LRMDA: variants seen among roughly 807,000 people sequenced by gnomAD.
LRMDA encodes the protein leucine-rich melanocyte differentiation-associated protein.
A neutral mutation model predicts 29.8 loss-of-function variants in LRMDA; 18 were observed. That is an observed-to-expected ratio of 0.60 (90% CI 0.42 to 0.90). The LOEUF (loss-of-function observed/expected upper bound fraction) is 0.90, where lower values mean the gene tolerates loss of function less well. LRMDA is among the 40% of genes least tolerant of loss of function. LRMDA has a pLI of 0.00. For missense variants in LRMDA, 273 were observed against 273.9 expected (o/e 1.00, Z 0.02); for synonymous variants, 125 against 109.4 (o/e 1.14, Z -0.89).
intron 5 of LRMDA, among the ~76,000 whole-genome samples, chr10:76,124,306 C>G (rs562349648): frequency 3.3e-5 from 5 of 152,348 alleles, no homozygotes; most frequent in Admixed American, 2.6e-4. Context: ...AGGTCCCCCT[C>G]CTTCACTTTG....
intron 6 of LRMDA, among the ~76,000 whole-genome samples, chr10:76,384,418 T>A (rs746904458): frequency 1.3e-5 from 2 of 152,178 alleles, no homozygotes; most frequent in Non-Finnish European, 2.9e-5. Flanking sequence ...AAACAAAATT[T>A]CATATTTTAT....
chr10:76,183,272 C>G (rs563589939), intron 5 of LRMDA, among the ~76,000 whole-genome samples: 1 of 152,266 alleles, frequency 6.6e-6, no homozygotes, highest in Non-Finnish European at 1.5e-5. Context: ...CCACAGCAGG[C>G]TGGTATTATT....
intron 5 of LRMDA, among the ~76,000 whole-genome samples, chr10:76,120,125 G>A (rs1482964330): frequency 6.6e-6 from 1 of 150,952 alleles, no homozygotes; most frequent in East Asian, 1.9e-4. Context: ...GACTCTCTTT[G>A]TATCTACTAT....
At chr10:75,463,985 A>G (rs1210783107) in intron 2 of LRMDA, among the ~76,000 whole-genome samples, 2 of 151,772 alleles carry the variant, frequency 1.3e-5, no homozygotes, top group East Asian at 3.9e-4. Context: ...TATTTTTAGT[A>G]GAGATGGGGT....
intron 5 of LRMDA, among the ~76,000 whole-genome samples, chr10:76,142,686 A>G (rs889823583): frequency 6.2e-5 from 1 of 16,064 alleles, no homozygotes; most frequent in African/African-American, 6.9e-4. Context: ...TATTATCTTT[A>G]TTATTATTAT....
intron 5 of LRMDA, among the ~76,000 whole-genome samples, chr10:76,194,355 G>A (rs1356075318): frequency 6.6e-6 from 1 of 152,152 alleles, no homozygotes; most frequent in African/African-American, 2.4e-5. Flanking sequence ...CCTGACATCT[G>A]CTTCCATTAT....
rs1232031511 is a variant in LRMDA, at chr10:76,376,856, C to T, written c.601+52371C>T. 2.7e-5 allele frequency among the ~76,000 whole-genome samples: 2 copies of T among 72,800 alleles called. 1 individual carries two copies. The highest frequency in any genetic ancestry group is 2.9e-4 in the Admixed American group (2 of 6,916). The allele number at this position is 72,800 out of a possible 152,430, so 47.8% of individuals were successfully genotyped here. A position where few individuals can be genotyped will look rare whatever the true frequency, so the allele number is the denominator to read the frequency against. ...CATTTTTTCAAATGTTTGTTGGGCA[C>T]TTGGAAGTCTTTTTTTTTTTTTTTT... On this transcript the variant is annotated intron_variant, in intron 6 of 6. Coordinates refer to ENST00000611255, the MANE Select transcript of LRMDA (RefSeq NM_001305581.2).
chr10:75,868,062 T>C (rs1432228528), intron 2 of LRMDA, among the ~76,000 whole-genome samples: 1 of 152,126 alleles, frequency 6.6e-6, no homozygotes, highest in Non-Finnish European at 1.5e-5. Flanking sequence ...ACAAATTAGA[T>C]GGTGGGCTAG....
intron 2 of LRMDA, among the ~76,000 whole-genome samples, chr10:75,444,143 A>G (rs905132639): frequency 6.6e-6 from 1 of 151,928 alleles, no homozygotes; most frequent in African/African-American, 2.4e-5. Flanking sequence ...TACTGTATGT[A>G]TTTTTTTTCT....
chr10:76,531,503 A>G (rs372015406), intron 6 of LRMDA, among the ~76,000 whole-genome samples: 7 of 152,212 alleles, frequency 4.6e-5, no homozygotes, highest in African/African-American at 1.4e-4. Context: ...TCGTAAATTT[A>G]TGAGTGCTGA....
intron 2 of LRMDA, among the ~76,000 whole-genome samples, chr10:75,602,838 T>C (rs1201939084): frequency 6.6e-6 from 1 of 152,228 alleles, no homozygotes; most frequent in East Asian, 1.9e-4. Context: ...ATTTCACTTC[T>C]TTTATGAGTC....
At chr10:75,971,765 C>T (rs931265794) in intron 2 of LRMDA, among the ~76,000 whole-genome samples, 7 of 152,096 alleles carry the variant, frequency 4.6e-5, no homozygotes, top group Admixed American at 3.3e-4. Context: ...CTGGGCTGTG[C>T]TTGACCTGTG....
At chr10:75,948,534 C>T (rs1222565045) in intron 2 of LRMDA, among the ~76,000 whole-genome samples, 1 of 152,148 alleles carries the variant, frequency 6.6e-6, no homozygotes, top group Admixed American at 6.5e-5. Context: ...CTGTTCCTGC[C>T]TGTTACGTCC....
intron 2 of LRMDA, among the ~76,000 whole-genome samples, chr10:75,995,112 G>A (rs763286621): frequency 9.2e-5 from 14 of 152,200 alleles, no homozygotes; most frequent in Admixed American, 2.6e-4. Context: ...TCTCCAGATA[G>A]ATGGGAATAA....
intron 6 of LRMDA, among the ~76,000 whole-genome samples, chr10:76,524,002 G>A (rs777929832): frequency 6.6e-6 from 1 of 152,144 alleles, no homozygotes; most frequent in Non-Finnish European, 1.5e-5. Flanking sequence ...GAACATTGAC[G>A]CAAATTAATC....
At chr10:75,484,951 C>T (rs777188883) in intron 2 of LRMDA, among the ~76,000 whole-genome samples, 1 of 152,182 alleles carries the variant, frequency 6.6e-6, no homozygotes, top group Non-Finnish European at 1.5e-5. Flanking sequence ...GTTATACTTA[C>T]ATTTGTAAGT....
At chr10:76,175,111 G>C (rs760114407) in intron 5 of LRMDA, among the ~76,000 whole-genome samples, 1 of 152,154 alleles carries the variant, frequency 6.6e-6, no homozygotes, top group Non-Finnish European at 1.5e-5. Flanking sequence ...GACAGAGCGA[G>C]ACTTCATCTC....
chr10:75,883,202 G>C (rs1166665612), intron 2 of LRMDA: 2 of 152,134 alleles, frequency 1.3e-5, no homozygotes, highest in Non-Finnish European at 2.9e-5. Context: ...AAAACCATCG[G>C]GCACTCTCTG....
At chr10:76,085,141 C>T (rs892709058) in intron 5 of LRMDA, among the ~76,000 whole-genome samples, 9 of 152,100 alleles carry the variant, frequency 5.9e-5, no homozygotes, top group Non-Finnish European at 1.2e-4. Context: ...GTATTTTCCC[C>T]TAAATGGAGA....
Sources: allele counts gnomAD v4.1 joint callset (sites outside exome capture counted in the v4.1 genomes callset), GRCh38; gene constraint gnomAD v4.1.1; transcripts MANE v1.5; gene names NCBI Gene and HGNC (gene_info 2026-07-23, HGNC 2026-07-21).